The following SAMD9L variants were observed in gnomAD, a reference collection of about 807,000 sequenced individuals.
SAMD9L encodes the protein sterile alpha motif domain-containing protein 9-like.
SAMD9L carries 68 observed loss-of-function variants against 90.7 expected under a neutral mutation model. The observed-to-expected ratio is 0.75, with a 90% CI of 0.62 to 0.92. The LOEUF (loss-of-function observed/expected upper bound fraction) is 0.92, where lower values mean the gene tolerates loss of function less well. Among genes scored for constraint, SAMD9L ranks in the 40% least tolerant of loss-of-function variants. SAMD9L has a pLI of 0.00. For missense variants in SAMD9L, 1,604 were observed against 1,824.3 expected (o/e 0.88, Z 2.20); for synonymous variants, 640 against 630.1 (o/e 1.02, Z -0.23).
At chr7:93,138,654 C>A (rs1792555221) in intron 4 of SAMD9L, among the ~76,000 whole-genome samples, 1 of 152,170 alleles carries the variant, frequency 6.6e-6, no homozygotes, top group South Asian at 2.1e-4. Flanking sequence ...ACTTGGTGGA[C>A]CTGCCAAAGG....
At chr7:93,141,496 C>T (rs1792688856) in intron 4 of SAMD9L, among the ~76,000 whole-genome samples, 1 of 152,208 alleles carries the variant, frequency 6.6e-6, no homozygotes, top group Non-Finnish European at 1.5e-5. Context: ...CCTCCCACTC[C>T]AAACTTGCTC....
In SAMD9L at chr7:93,131,494, A is replaced by G; in HGVS notation, c.4478T>C (p.Ile1493Thr). 1.2e-6 allele frequency: 2 copies of G among 1,613,900 alleles called. No individual in the cohort carries two copies. The highest frequency in any genetic ancestry group is 1.1e-5 in the South Asian group (1 of 91,082). ...TTGTGCTTTATCAAAGTACTGCTCT[A>G]TTTTGGCCTTGTGAACAATACTGTT... is the stretch of plus-strand genomic sequence containing the variant. ...GLNSIVHKAKIEQYFDKAQNT... is the reference protein window; with the variant it reads ...GLNSIVHKAKTEQYFDKAQNT... Residue 1493 changes from isoleucine (I) to threonine (T), a missense_variant, in exon 5 of 5, where the codon ATA becomes ACA. Coordinates refer to ENST00000318238, the MANE Select transcript of SAMD9L (RefSeq NM_152703.5).
In SAMD9L at chr7:93,132,222, A is replaced by T. The variant is rs758183277; in HGVS notation, c.3750T>A (p.Leu1250=). 5 of 1,613,830 alleles carry T rather than the reference A, an allele frequency of 3.1e-6. No individual in the cohort carries two copies. In the South Asian group the frequency reaches 3.3e-5, roughly 11 times the overall value. Residue 1250 remains leucine, a synonymous_variant, in exon 5 of 5, where the codon CTT becomes CTA. Transcript: ENST00000318238. ...TTTTTAGGTGGGATGTGAACTTGCT[A>T]AGAGCCAAATAACATTCATTTCTGG... ...PDPRNECYLA[L]SKFTSHLKNL... is the part of the protein sequence containing the mutation.
rs770539370 is a variant in SAMD9L at position 93,135,558 on chromosome 7, T to A, written c.414A>T (p.Lys138Asn). 2.4e-5 allele frequency: 38 copies of A among 1,613,936 alleles called. No homozygotes were observed. Among genetic ancestry groups the A allele is most frequent in the Non-Finnish European group, 3.0e-5 (35 of 1,179,958 alleles). The change falls in exon 5 of 5, where the codon AAA (lysine) becomes AAT (asparagine). Residue 138 changes from lysine (K) to asparagine (N), a missense_variant. By Grantham distance (94) the Lys-to-Asn change is moderately conservative. Transcript: ENST00000318238. The part of the protein sequence containing the change: ...DIKQEESILM[K>N]ENVLDEVANA... ...TTGCTACTTCATCTAACACATTTTC[T>A]TTCATAAGAATTGATTCTTCTTGTT...
In SAMD9L at chr7:93,135,680, T is replaced by C. The variant is rs1298344676; in HGVS notation, c.292A>G (p.Thr98Ala). Residue 98 changes from threonine (T) to alanine (A), a missense_variant, in exon 5 of 5, where the codon ACA becomes GCA. Transcript: ENST00000318238. ...GQLDNSKPSKTEHQKNPKHTK... is the reference protein window; with the variant it reads ...GQLDNSKPSKAEHQKNPKHTK... ...TGTTTTGGATTTTTCTGGTGTTCTGTTTTGGACGGTTTTGAATTATCTAAT... is the reference window on the plus strand; with the variant it reads ...TGTTTTGGATTTTTCTGGTGTTCTGCTTTGGACGGTTTTGAATTATCTAAT... The C allele has an allele frequency of 1.2e-6, 2 of 1,614,074 alleles. No individual in the cohort carries two copies. Among genetic ancestry groups the C allele is most frequent in the Non-Finnish European group, 1.7e-6 (2 of 1,179,972 alleles).
rs1469807934 is a variant in SAMD9L at position 93,131,171 on chromosome 7, A to T, written c.*46T>A. The T allele has an allele frequency of 1.8e-6, 2 of 1,118,108 alleles. No homozygotes were observed. Among genetic ancestry groups the T allele is most frequent in the Middle Eastern group, 2.4e-4 (1 of 4,100 alleles). The allele number at this position is 1,118,108 out of a possible 1,614,324, so 69.3% of individuals were successfully genotyped here. On this transcript the variant is annotated 3_prime_UTR_variant, in exon 5 of 5. Coordinates refer to ENST00000318238, the MANE Select transcript of SAMD9L (RefSeq NM_152703.5). ...GAGAATAGAGAGAGAGAATAAAATCATAAAGATATAAATAAACGTATTTGA... is the reference window on the plus strand; with the variant it reads ...GAGAATAGAGAGAGAGAATAAAATCTTAAAGATATAAATAAACGTATTTGA...
At chr7:93,147,543 A>G (rs1369768837) in intron 1 of SAMD9L, among the ~76,000 whole-genome samples, 1 of 152,164 alleles carries the variant, frequency 6.6e-6, no homozygotes, top group East Asian at 1.9e-4. Flanking sequence ...TCTGCTCTGC[A>G]GGATTCTTAG....
At chr7:93,138,439 A>T (rs1442724293) in intron 4 of SAMD9L, among the ~76,000 whole-genome samples, 1 of 151,932 alleles carries the variant, frequency 6.6e-6, no homozygotes, top group African/African-American at 2.4e-5. Flanking sequence ...AGTCACACAC[A>T]CACACACACA....
intron 4 of SAMD9L, among the ~76,000 whole-genome samples, chr7:93,138,091 G>T (rs1484648303): frequency 6.6e-6 from 1 of 152,130 alleles, no homozygotes; most frequent in Non-Finnish European, 1.5e-5. Context: ...TCAGTCTGCA[G>T]ATCACAACTA....
intron 1 of SAMD9L, among the ~76,000 whole-genome samples, 159 bp downstream of exon 1, chr7:93,148,035 G>T (rs1280945816): frequency 2.0e-5 from 3 of 152,124 alleles, no homozygotes; most frequent in Non-Finnish European, 4.4e-5. Flanking sequence ...ATACTGACAT[G>T]TATTTAATCC....
chr7:93,137,659 T>C (rs939167165), intron 4 of SAMD9L, among the ~76,000 whole-genome samples: 2 of 151,878 alleles, frequency 1.3e-5, no homozygotes, highest in African/African-American at 4.8e-5. Flanking sequence ...AGCTGGTCCC[T>C]GGTTCCAAAA....
rs1562787959 is a variant in SAMD9L, at chr7:93,132,090, CT to C, written c.3881del (p.Lys1294ArgfsTer39). 2 of 1,613,708 alleles carry C rather than the reference CT, an allele frequency of 1.2e-6. No individual in the cohort carries two copies. The highest frequency in any genetic ancestry group is 1.7e-6 in the Non-Finnish European group (2 of 1,179,850). On this transcript the variant is annotated frameshift_variant, in exon 5 of 5. Transcript: ENST00000318238. LOFTEE classifies it high-confidence loss of function. ...ATTTCCTGAAACAACGACTGACTTT[CT>C]TGCTTAACATGATTTCTGCAATTTC... Reference protein sequence around the residue: ...QKEIAEIMLSKKVSRCFRKYT... With the variant: ...QKEIAEIMLSXKVSRCFRKYT...
At chr7:93,138,668 C>A (rs1792556081) in intron 4 of SAMD9L, among the ~76,000 whole-genome samples, 1 of 152,134 alleles carries the variant, frequency 6.6e-6, no homozygotes, top group African/African-American at 2.4e-5. Context: ...CCAAAGGCCC[C>A]TTTAGTGGGT....
Position 93,134,852 on chromosome 7 carries a change from C to G in SAMD9L, c.1120G>C (p.Val374Leu), listed in dbSNP as rs745844082. The change falls in exon 5 of 5, where the codon GTA becomes CTA. Residue 374 changes from valine (V) to leucine (L), a missense_variant. Transcript: ENST00000318238. ...KAFLQNLKSL[V>L]ASRKEAEEEY... ...TCTTCAGCCTCTTTTCTAGATGCTACCAGTGACTTTAAATTTTGTAAAAAT... is the reference window on the plus strand; with the variant it reads ...TCTTCAGCCTCTTTTCTAGATGCTAGCAGTGACTTTAAATTTTGTAAAAAT... The G allele has an allele frequency of 1.2e-5, 20 of 1,613,796 alleles. No individual in the cohort carries two copies. The African/African-American group carries it at 2.3e-4, about 18-fold the overall frequency.
At chr7:93,141,232 A>T (rs1792677097) in intron 4 of SAMD9L, among the ~76,000 whole-genome samples, 1 of 152,046 alleles carries the variant, frequency 6.6e-6, no homozygotes, top group African/African-American at 2.4e-5. Context: ...GTTCTTCCTT[A>T]ACTCTCCACC....
Position 93,134,825 on chromosome 7 carries a change from C to G in SAMD9L, c.1147G>C (p.Glu383Gln). 1 of 1,613,834 alleles carries G rather than the reference C, an allele frequency of 6.2e-7. No individual in the cohort carries two copies. Among genetic ancestry groups the G allele is most frequent in the Non-Finnish European group, 8.5e-7 (1 of 1,179,900 alleles). ...LVASRKEAEE[E>Q]YGMKAMKKES... ...TTCTTCATTGCCTTCATTCCATACT[C>G]TTCTTCAGCCTCTTTTCTAGATGCT... Residue 383 changes from glutamate (E) to glutamine (Q), a missense_variant, in exon 5 of 5, where the codon GAG becomes CAG. Around this residue, in one of 7 missense-constraint regions of SAMD9L, gnomAD observed 606 missense variants for 717.6 expected, o/e 0.84. Transcript: ENST00000318238.
chr7:93,134,039 G>A lies in SAMD9L; in HGVS notation c.1933C>T (p.Leu645=). 6 of 1,613,632 alleles carry A rather than the reference G, an allele frequency of 3.7e-6. No homozygotes were observed. The highest frequency in any genetic ancestry group is 5.1e-6 in the Non-Finnish European group (6 of 1,179,830). ...AAGACATCCTCTTTCTTTTTCTCTA[G>A]GATAACTGAAGAAGATCCACGGGCG... is the stretch of plus-strand genomic sequence containing the variant. ...LPARGSSSVI[L]EKKKEDVLTA... The change falls in exon 5 of 5, where the codon CTA becomes TTA. Residue 645 remains leucine, a synonymous_variant. Transcript: ENST00000318238.
Position 93,132,821 on chromosome 7 carries a change from T to G in SAMD9L, c.3151A>C (p.Thr1051Pro), listed in dbSNP as rs80262624. ...TRQRKVYGDE[T>P]DTLFSPLMEA... is the part of the protein sequence containing the mutation. ...ATTAATGGGGAAAACAGAGTGTCTG[T>G]TTCATCTCCATACACCTTGCGCTGT... The change falls in exon 5 of 5, where the codon ACA becomes CCA. Residue 1051 changes from threonine (T) to proline (P), a missense_variant. Physicochemically the swap from Thr to Pro is conservative, Grantham distance 38. Around this residue, in one of 7 missense-constraint regions of SAMD9L, gnomAD observed 302 missense variants for 314.7 expected, o/e 0.96. Transcript: ENST00000318238. 6.2e-7 allele frequency: 1 copy of G among 1,613,796 alleles called. No homozygotes were observed. Among genetic ancestry groups the G allele is most frequent in the East Asian group, 2.2e-5 (1 of 44,880 alleles).
chr7:93,134,284 G>A lies in SAMD9L; in HGVS notation c.1688C>T (p.Thr563Ile), dbSNP rs368304601. The change falls in exon 5 of 5, where the codon ACT becomes ATT. Residue 563 changes from threonine to isoleucine, a missense_variant. Thr to Ile is a moderately conservative substitution (Grantham distance 89). Transcript: ENST00000318238. The stretch of plus-strand genomic sequence containing the variant: ...GAGAGCTTGATAGAAAGCCCAGAAA[G>A]TTTCAATGAGTGGATCTCCTGGGCT... ...VESPGDPLIE[T>I]FWAFYQALKG... is the part of the protein sequence containing the mutation. The A allele has an allele frequency of 5.0e-6, 8 of 1,613,334 alleles. No homozygotes were observed. Among genetic ancestry groups the A allele is most frequent in the Non-Finnish European group, 1.7e-6 (2 of 1,179,830 alleles).
Sources: gnomAD v4.1 joint callset for allele counts (sites outside exome capture counted in the v4.1 genomes callset) on GRCh38, gnomAD v4.1.1 for gene constraint, gnomAD v4.1.1 regional missense constraint, MANE v1.5 for transcripts, NCBI Gene and HGNC (gene_info 2026-07-23, HGNC 2026-07-21) for gene names.